DLG2: variants seen among roughly 807,000 people sequenced by gnomAD.
DLG2 encodes discs large MAGUK scaffold protein 2, also known as disks large homolog 2.
DLG2 carries 45 observed loss-of-function variants against 132.5 expected under a neutral mutation model. That is an observed-to-expected ratio of 0.34 (90% CI 0.27 to 0.44). The LOEUF (loss-of-function observed/expected upper bound fraction) is 0.44, where lower values mean the gene tolerates loss of function less well. Among genes scored for constraint, DLG2 ranks in the 20% least tolerant of loss-of-function variants. The pLI, the probability that DLG2 is intolerant of heterozygous loss-of-function variation, is 1.00. For missense variants in DLG2, 1,045 were observed against 1,196.9 expected, an observed-to-expected ratio of 0.87 and a Z score of 1.87; for synonymous variants, 424 against 419.6, an observed-to-expected ratio of 1.01 and a Z score of -0.13.
At chr11:83,770,162 A>T (rs956180679) in intron 18 of DLG2, among the ~76,000 whole-genome samples, 1 of 151,614 alleles carries the variant, frequency 6.6e-6, no homozygotes, top group African/African-American at 2.4e-5. Context: ...CCCCTGTATG[A>T]TGCTAATCTT....
At chr11:84,057,062 C>T (rs564274441) in intron 11 of DLG2, among the ~76,000 whole-genome samples, 1 of 152,108 alleles carries the variant, frequency 6.6e-6, no homozygotes, top group Non-Finnish European at 1.5e-5. Context: ...CCTAGGTATA[C>T]CAAGTTGATT....
At chr11:84,427,572 A>G (rs554470574) in intron 7 of DLG2, among the ~76,000 whole-genome samples, 31 of 152,320 alleles carry the variant, frequency 2.0e-4, no homozygotes, top group African/African-American at 7.5e-4. Context: ...AAAAATATAT[A>G]GGAAAGTCAG....
intron 3 of DLG2, among the ~76,000 whole-genome samples, chr11:85,523,734 T>A (rs1347800136): frequency 6.6e-6 from 1 of 152,160 alleles, no homozygotes; most frequent in Non-Finnish European, 1.5e-5. Context: ...GCTGGGTACA[T>A]ACCCAAAAGA....
intron 6 of DLG2, among the ~76,000 whole-genome samples, chr11:85,109,775 A>G (rs1186564120): frequency 6.6e-6 from 1 of 152,122 alleles, no homozygotes; most frequent in Non-Finnish European, 1.5e-5. Flanking sequence ...AACTGAATGG[A>G]ATTACTAAAC....
chr11:85,217,638 G>A (rs950384342), intron 4 of DLG2, among the ~76,000 whole-genome samples: 1 of 152,098 alleles, frequency 6.6e-6, no homozygotes, highest in Non-Finnish European at 1.5e-5. Context: ...TTATTCCTAT[G>A]CAACATACTC....
intron 15 of DLG2, among the ~76,000 whole-genome samples, chr11:83,877,116 A>G (rs578039121): frequency 6.6e-6 from 1 of 152,112 alleles, no homozygotes; most frequent in Non-Finnish European, 1.5e-5. Context: ...AAAGCTTTGT[A>G]TCATTTTATT....
intron 16 of DLG2, among the ~76,000 whole-genome samples, chr11:83,855,360 GC>G (rs2060370700): frequency 2.6e-5 from 4 of 152,172 alleles, no homozygotes; most frequent in African/African-American, 9.7e-5. Flanking sequence ...AAAAAAACCT[GC>G]ACCTGCATGT....
At position 85,416,124 on chromosome 11, in the gene DLG2, A is replaced by G. The variant is rs556533496; in HGVS notation, c.41-130759T>C. On this transcript the variant is annotated intron_variant, in intron 3 of 27. Transcript: ENST00000376104. ...GTTTTCCCAACACCACTTATTAAAT[A>G]GGGAATCCTTTCCCCATTGGTTGCT... is the stretch of plus-strand genomic sequence containing the variant. Among the ~76,000 whole-genome samples, 73 of 152,344 alleles carry G rather than the reference A, an allele frequency of 4.8e-4. 2 individuals carry two copies. The highest frequency in any genetic ancestry group is 1.6e-3 in the African/African-American group (67 of 41,574).
At chr11:84,810,517 G>A (rs1015368765) in intron 6 of DLG2, among the ~76,000 whole-genome samples, 5 of 152,242 alleles carry the variant, frequency 3.3e-5, no homozygotes, top group East Asian at 3.9e-4. Context: ...AAACTGGATC[G>A]CTCACATTCC....
At chr11:83,608,975 A>C (rs2059731575) in intron 19 of DLG2, among the ~76,000 whole-genome samples, 1 of 152,118 alleles carries the variant, frequency 6.6e-6, no homozygotes, top group African/African-American at 2.4e-5. Flanking sequence ...AGCCAACCAA[A>C]TGATAGCAAG....
chr11:84,269,474 G>C (rs1276159293), intron 7 of DLG2, among the ~76,000 whole-genome samples: 1 of 152,108 alleles, frequency 6.6e-6, no homozygotes, highest in Non-Finnish European at 1.5e-5. Context: ...CATGAAGCTT[G>C]CCCCTTCTCT....
At chr11:84,258,550 G>A (rs2097510109) in intron 7 of DLG2, among the ~76,000 whole-genome samples, 1 of 151,964 alleles carries the variant, frequency 6.6e-6, no homozygotes, top group Non-Finnish European at 1.5e-5. Context: ...ATGTTCTAAG[G>A]AAAACATTAT....
chr11:83,782,776 G>C (rs996459235), intron 18 of DLG2, among the ~76,000 whole-genome samples: 2 of 152,116 alleles, frequency 1.3e-5, no homozygotes, highest in African/African-American at 4.8e-5. Context: ...GAAAGACAAG[G>C]AGTTAGTGCA....
At position 85,463,474 on chromosome 11, in the gene DLG2, G is replaced by C. The variant is rs76804758; in HGVS notation, c.40+135183C>G. ...AGATAATAGAAATAAGAAATGTGTA[G>C]AATGAATTACCAAAAAAACTTGGGA... On this transcript the variant is annotated intron_variant, in intron 3 of 27. Coordinates refer to ENST00000376104, the MANE Select transcript of DLG2 (RefSeq NM_001142699.3). Among the ~76,000 whole-genome samples, 1,427 of 152,298 alleles carry C rather than the reference G, an allele frequency of 9.4e-3. 19 individuals are homozygous for C. Among genetic ancestry groups the C allele is most frequent in the African/African-American group, 0.031 (1,278 of 41,568 alleles).
intron 10 of DLG2, among the ~76,000 whole-genome samples, chr11:84,061,414 G>C (rs555278632): frequency 6.6e-6 from 1 of 152,042 alleles, no homozygotes; most frequent in East Asian, 1.9e-4. Flanking sequence ...TAACTTTGTG[G>C]AATAAAACTT....
chr11:84,306,750 C>T (rs1177763311), intron 7 of DLG2, among the ~76,000 whole-genome samples: 1 of 152,200 alleles, frequency 6.6e-6, no homozygotes, highest in African/African-American at 2.4e-5. Context: ...ATCCCAGTAT[C>T]ACTTCCAATC....
intron 19 of DLG2, among the ~76,000 whole-genome samples, chr11:83,617,544 A>C (rs2061011118): frequency 6.6e-6 from 1 of 152,212 alleles, no homozygotes; most frequent in Admixed American, 6.5e-5. Context: ...TTTGAATTTT[A>C]AACATACAGA....
intron 6 of DLG2, among the ~76,000 whole-genome samples, chr11:84,845,729 G>C (rs1363577198): frequency 1.4e-5 from 2 of 147,534 alleles, no homozygotes; most frequent in East Asian, 3.9e-4. Context: ...CACCCAGTCT[G>C]GAGTGCAGTG....
intron 4 of DLG2, among the ~76,000 whole-genome samples, chr11:85,262,053 G>A (rs1318233336): frequency 6.6e-6 from 1 of 152,166 alleles, no homozygotes; most frequent in Non-Finnish European, 1.5e-5. Flanking sequence ...TGACAGGTTT[G>A]GCAGAGATCG....
Sources: gnomAD v4.1 joint callset for allele counts (sites outside exome capture counted in the v4.1 genomes callset) on GRCh38, gnomAD v4.1.1 for gene constraint, MANE v1.5 for transcripts, NCBI Gene and HGNC (gene_info 2026-07-23, HGNC 2026-07-21) for gene names.